The following PPM1H variants were observed in gnomAD, a reference collection of about 807,000 sequenced individuals.
PPM1H encodes protein phosphatase, Mg2+/Mn2+ dependent 1H.
PPM1H carries 27 observed loss-of-function variants against 54.9 expected under a neutral mutation model. The observed-to-expected ratio is 0.49, with a 90% CI of 0.36 to 0.68. PPM1H has a LOEUF of 0.68. Ranked by LOEUF, PPM1H falls within the 30% of genes least tolerant of loss-of-function variation. The pLI is 0.00. For synonymous variants in PPM1H, 305 were observed against 270.8 expected (o/e 1.13, Z -1.24); for missense variants, 596 against 667.8 (o/e 0.89, Z 1.19).
intron 1 of PPM1H, chr12:62,933,854 A>C: frequency 6.6e-6 from 1 of 152,198 alleles, no homozygotes; most frequent in East Asian, 1.9e-4. Context: ...CAGTTGGAAT[A>C]AGTTTCCCCC....
At chr12:62,681,388 C>T (rs2076018268) in intron 8 of PPM1H, among the ~76,000 whole-genome samples, 1 of 152,172 alleles carries the variant, frequency 6.6e-6, no homozygotes, top group Non-Finnish European at 1.5e-5. Context: ...TCCTCACTGC[C>T]ACAGTCTCAG....
chr12:62,794,233 G>C (rs1382571654), intron 3 of PPM1H, among the ~76,000 whole-genome samples: 1 of 152,078 alleles, frequency 6.6e-6, no homozygotes, highest in Non-Finnish European at 1.5e-5. Flanking sequence ...AAAACAAAGA[G>C]AACAAAACCA....
chr12:62,727,244 T>C (rs1224643307), intron 5 of PPM1H, among the ~76,000 whole-genome samples: 1 of 152,122 alleles, frequency 6.6e-6, no homozygotes, highest in Non-Finnish European at 1.5e-5. Flanking sequence ...TCCACTCCAG[T>C]GCCCAGCATA....
chr12:62,727,822 G>A (rs76382961), intron 5 of PPM1H, among the ~76,000 whole-genome samples: 1,618 of 151,644 alleles, frequency 0.011, 31 homozygotes, highest in East Asian at 0.088. Context: ...CACCATGCCC[G>A]GCTAATTTTG....
chr12:62,658,767 A>C (rs2075862571), intron 9 of PPM1H: 1 of 415,060 alleles, frequency 2.4e-6, no homozygotes, highest in Admixed American at 3.3e-5. Context: ...AATTCAGGGC[A>C]AACTGTGATA....
At chr12:62,759,348 C>T (rs939574380) in intron 4 of PPM1H, among the ~76,000 whole-genome samples, 4 of 152,178 alleles carry the variant, frequency 2.6e-5, no homozygotes, top group African/African-American at 4.8e-5. Flanking sequence ...GATTTTAAAT[C>T]GGGTAAGCGG....
In PPM1H at chr12:62,646,335, G is replaced by T. The variant is rs1165891777; in HGVS notation, c.*2154C>A. 2 of 152,208 alleles carry T rather than the reference G, an allele frequency of 1.3e-5. No homozygotes were observed. The highest frequency in any genetic ancestry group is 3.9e-4 in the East Asian group (2 of 5,192). 9.4% of individuals were successfully genotyped at this position (152,208 alleles called of 1,614,324 possible). A position where few individuals can be genotyped will look rare whatever the true frequency, so the allele number is the denominator to read the frequency against. On this transcript the variant is annotated 3_prime_UTR_variant, in exon 10 of 10. Coordinates refer to ENST00000228705, the MANE Select transcript of PPM1H (RefSeq NM_020700.2). ...ACCCAAATTCTTACTCTGGTGGCTT[G>T]AATAAAACTGGAGAAGCTCAAGGTA...
At chr12:62,825,620 A>C (rs1049462970) in intron 2 of PPM1H, among the ~76,000 whole-genome samples, 5 of 152,214 alleles carry the variant, frequency 3.3e-5, no homozygotes, top group African/African-American at 4.8e-5. Context: ...ATTCTGAGCA[A>C]ACTATCACAA....
intron 9 of PPM1H, among the ~76,000 whole-genome samples, chr12:62,650,236 TAGC>T (rs1555186309): frequency 6.6e-5 from 10 of 152,216 alleles, no homozygotes; most frequent in Non-Finnish European, 1.3e-4. Flanking sequence ...ACAGCCCAGA[TAGC>T]AGACAGAAGT....
At chr12:62,730,699 A>G (rs73312458) in intron 5 of PPM1H, among the ~76,000 whole-genome samples, 2,712 of 152,194 alleles carry the variant, frequency 0.018, 81 homozygotes, top group African/African-American at 0.062. Flanking sequence ...TGCCCTTAGA[A>G]GGGGAAAATC....
At chr12:62,804,537 A>AT (rs921670869) in intron 2 of PPM1H, among the ~76,000 whole-genome samples, 1 of 151,720 alleles carries the variant, frequency 6.6e-6, no homozygotes, top group African/African-American at 2.4e-5. Flanking sequence ...CTTAAAAAAA[A>AT]TTTTTTTTGG....
At chr12:62,886,556 C>T (rs1350256896) in intron 1 of PPM1H, among the ~76,000 whole-genome samples, 2 of 152,084 alleles carry the variant, frequency 1.3e-5, no homozygotes, top group Non-Finnish European at 2.9e-5. Flanking sequence ...TCTATGAATG[C>T]ATAAGACCTT....
At chr12:62,739,569 C>T (rs375622898) in intron 4 of PPM1H, among the ~76,000 whole-genome samples, 3 of 152,126 alleles carry the variant, frequency 2.0e-5, no homozygotes, top group South Asian at 2.1e-4. Flanking sequence ...TTTTTCTGCA[C>T]GGCCCCTGAA....
At chr12:62,804,345 C>T (rs890696543) in intron 2 of PPM1H, among the ~76,000 whole-genome samples, 3 of 112,744 alleles carry the variant, frequency 2.7e-5, no homozygotes, top group African/African-American at 1.5e-4. Context: ...CAGAGTGACC[C>T]TGTCTCAAAA....
chr12:62,708,304 T>C (rs2076186652), intron 6 of PPM1H, among the ~76,000 whole-genome samples: 1 of 152,224 alleles, frequency 6.6e-6, no homozygotes, highest in Non-Finnish European at 1.5e-5. Context: ...TCTCCAGCTC[T>C]TGTGTGTGGA....
In PPM1H at chr12:62,934,658, C is replaced by T; in HGVS notation, c.79G>A (p.Gly27Ser). ...AGGTCCGAGCCTCCGCAGCTGCCGC[C>T]GCCGTGCTCGGAGCCTGAGCTGCCA... Reference protein sequence around the residue: ...MAGSSGSEHGGGSCGGSDLPL... With the variant: ...MAGSSGSEHGSGSCGGSDLPL... The change falls in exon 1 of 10, where the codon GGC becomes AGC. Residue 27 changes from glycine to serine, a missense_variant. Physicochemically the swap from Gly to Ser is moderately conservative, Grantham distance 56. Transcript: ENST00000228705. The surrounding 1 kb of genome is among the most constrained non-coding windows in gnomAD (Gnocchi z 4.2). The T allele has an allele frequency of 1.3e-6, 2 of 1,599,658 alleles. No individual in the cohort carries two copies. Among genetic ancestry groups the T allele is most frequent in the East Asian group, 4.5e-5 (2 of 43,962 alleles).
At chr12:62,649,499 A>T (rs960847533) in intron 9 of PPM1H, among the ~76,000 whole-genome samples, 2 of 152,206 alleles carry the variant, frequency 1.3e-5, no homozygotes, top group African/African-American at 4.8e-5. Context: ...GAGACAAAAC[A>T]TTGGCAGGTG....
In PPM1H at chr12:62,715,580, G is replaced by GA. The variant is rs34083291; in HGVS notation, c.1073+4590dup. ...AGTCTCCGTGAAAGCATGAGGGTGG[G>GA]AAAAAAAAGGATCCCCATTAAGAGG... On this transcript the variant is annotated intron_variant, in intron 6 of 9. Transcript: ENST00000228705. Among the ~76,000 whole-genome samples, 157 of 151,454 alleles carry GA rather than the reference G, an allele frequency of 1.0e-3. 1 individual carries two copies. Among genetic ancestry groups the GA allele is most frequent in the African/African-American group, 3.6e-3 (149 of 41,318 alleles).
intron 4 of PPM1H, among the ~76,000 whole-genome samples, chr12:62,759,489 G>A (rs1242279859): frequency 6.6e-6 from 1 of 152,158 alleles, no homozygotes; most frequent in Non-Finnish European, 1.5e-5. Context: ...AGAGACAAAG[G>A]AGACACATTT....
Sources: allele counts gnomAD v4.1 joint callset (sites outside exome capture counted in the v4.1 genomes callset), GRCh38; gene constraint gnomAD v4.1.1; non-coding constraint Gnocchi (gnomAD v3.1); transcripts MANE v1.5; gene names NCBI Gene and HGNC (gene_info 2026-07-23, HGNC 2026-07-21).